The following RB1CC1 variants were observed in gnomAD, a reference collection of about 807,000 sequenced individuals.
RB1CC1 encodes the protein RB1 inducible coiled-coil 1.
A neutral mutation model predicts 177.5 loss-of-function variants in RB1CC1; 46 were observed. That is an observed-to-expected ratio of 0.26 (90% confidence interval 0.20 to 0.33). The LOEUF (loss-of-function observed/expected upper bound fraction) is 0.33, where lower values mean the gene tolerates loss of function less well. Ranked by LOEUF, RB1CC1 falls within the 10% of genes least tolerant of loss-of-function variation. The pLI, the probability that RB1CC1 is intolerant of heterozygous loss-of-function variation, is 1.00. For synonymous variants in RB1CC1, 666 were observed against 613.6 expected (o/e 1.09, Z -1.26); for missense variants, 1,703 against 1,816.3 (o/e 0.94, Z 1.13).
Position 52,642,806 on chromosome 8 carries a change from A to G in RB1CC1, c.3994T>C (p.Phe1332Leu). The G allele has an allele frequency of 1.3e-6, 2 of 1,550,304 alleles. No homozygotes were observed. The highest frequency in any genetic ancestry group is 1.7e-6 in the Non-Finnish European group (2 of 1,158,152). The change falls in exon 17 of 24, where the codon TTT (phenylalanine) becomes CTT (leucine). Residue 1332 changes from phenylalanine to leucine, a missense_variant. Coordinates refer to ENST00000025008, the MANE Select transcript of RB1CC1 (RefSeq NM_014781.5). ...TSLIAEQQTN[F>L]NTVLTREKMR... Reference sequence around the variant, plus strand: ...TTCTCTCTTGTTAAAACAGTGTTAAAATTGGTCTGGAACAAGAGAATAATT... The same window carrying G: ...TTCTCTCTTGTTAAAACAGTGTTAAGATTGGTCTGGAACAAGAGAATAATT...
At chr8:52,661,834 A>G (rs1851660090) in intron 8 of RB1CC1, 115 bp from the exon 9 acceptor site, 1 of 701,960 alleles carries the variant, frequency 1.4e-6, no homozygotes, top group Non-Finnish European at 2.1e-6. Flanking sequence ...CCTTCTAACA[A>G]TATTTTTAAA....
At chr8:52,628,580 A>G (rs559773458) in intron 21 of RB1CC1, among the ~76,000 whole-genome samples, 1 of 152,192 alleles carries the variant, frequency 6.6e-6, no homozygotes, top group Non-Finnish European at 1.5e-5. Context: ...CTTGTCTCCA[A>G]GCGTAGTGCT....
At position 52,660,544 on chromosome 8, in the gene RB1CC1, A is replaced by G. The variant is rs541584731; in HGVS notation, c.1689+52T>C. On this transcript the variant is annotated intron_variant, in intron 12 of 23. Coordinates refer to ENST00000025008, the MANE Select transcript of RB1CC1 (RefSeq NM_014781.5). ...TGATAAATGTCTCTACTTCTGGAAA[A>G]AAGGTTTTAAAACATATGGAATTTA... The G allele has an allele frequency of 2.8e-6, 4 of 1,451,474 alleles. No individual in the cohort carries two copies. In the East Asian group the frequency reaches 9.3e-5, roughly 34 times the overall value. The allele number at this position is 1,451,474 out of a possible 1,614,324, so 89.9% of individuals were successfully genotyped here.
At chr8:52,671,588 G>A (rs1436472961) in intron 7 of RB1CC1, among the ~76,000 whole-genome samples, 1 of 152,082 alleles carries the variant, frequency 6.6e-6, no homozygotes, top group Non-Finnish European at 1.5e-5. Flanking sequence ...AAACATCATG[G>A]TAAAGTGCCA....
chr8:52,686,155 G>A (rs995920852), intron 2 of RB1CC1: 1 of 152,206 alleles, frequency 6.6e-6, no homozygotes, highest in Non-Finnish European at 1.5e-5. Context: ...AAGTGTACAG[G>A]TCTGGAGATC....
intron 1 of RB1CC1, among the ~76,000 whole-genome samples, chr8:52,706,066 T>C (rs910147287): frequency 6.6e-6 from 1 of 152,140 alleles, no homozygotes; most frequent in Non-Finnish European, 1.5e-5. Context: ...TGGCTATCTC[T>C]GGATGCCAGA....
intron 16 of RB1CC1, among the ~76,000 whole-genome samples, chr8:52,643,696 C>CAAAAAA (rs34520917): frequency 2.5e-5 from 2 of 81,086 alleles, no homozygotes; most frequent in Non-Finnish European, 2.3e-5. Context: ...CTCTAAGAGG[C>CAAAAAA]AAAAAAAAAA....
chr8:52,663,777 T>C (rs1851828587), intron 8 of RB1CC1, among the ~76,000 whole-genome samples: 1 of 152,144 alleles, frequency 6.6e-6, no homozygotes, highest in Admixed American at 6.5e-5. Context: ...AATTGTGACA[T>C]TTCTCAAATT....
At chr8:52,645,046 T>C (rs1269640915) in intron 16 of RB1CC1, among the ~76,000 whole-genome samples, 4 of 152,194 alleles carry the variant, frequency 2.6e-5, no homozygotes, top group Non-Finnish European at 5.9e-5. Flanking sequence ...AATTAGTTGC[T>C]GTCCGGTACT....
intron 1 of RB1CC1, among the ~76,000 whole-genome samples, chr8:52,713,519 C>A (rs1857231014): frequency 6.6e-6 from 1 of 152,150 alleles, no homozygotes; most frequent in Non-Finnish European, 1.5e-5. Context: ...AACTTTATAC[C>A]GATCCTCGCA....
At chr8:52,707,862 T>G (rs1856718009) in intron 1 of RB1CC1, among the ~76,000 whole-genome samples, 1 of 152,166 alleles carries the variant, frequency 6.6e-6, no homozygotes, top group Admixed American at 6.5e-5. Flanking sequence ...AATGGCAGAC[T>G]TAGGAACAAA....
At chr8:52,702,589 G>A (rs191661960) in intron 1 of RB1CC1, among the ~76,000 whole-genome samples, 14 of 152,056 alleles carry the variant, frequency 9.2e-5, no homozygotes, top group South Asian at 4.1e-4. Flanking sequence ...GCTGGCTCTC[G>A]CCTGTAATCC....
intron 1 of RB1CC1, among the ~76,000 whole-genome samples, chr8:52,695,528 C>T (rs1371045342): frequency 6.6e-6 from 1 of 152,134 alleles, no homozygotes; most frequent in African/African-American, 2.4e-5. Flanking sequence ...AGAGGAACTA[C>T]TGACTAAAGA....
chr8:52,711,933 A>G (rs1468089368), intron 1 of RB1CC1, among the ~76,000 whole-genome samples: 1 of 152,198 alleles, frequency 6.6e-6, no homozygotes, highest in East Asian at 1.9e-4. Context: ...GCCTTTATTC[A>G]AAAGGCAATC....
intron 20 of RB1CC1, among the ~76,000 whole-genome samples, chr8:52,631,559 C>T (rs1848759049): frequency 6.6e-6 from 1 of 152,308 alleles, no homozygotes; most frequent in East Asian, 1.9e-4. Flanking sequence ...AATTTCTATA[C>T]ATCTCTGGAA....
chr8:52,645,994 C>T (rs1329714208), intron 15 of RB1CC1, 127 bp from the exon 16 acceptor site: 9 of 902,190 alleles, frequency 1.0e-5, no homozygotes, highest in Non-Finnish European at 1.5e-5. Flanking sequence ...TCTGTGTGAA[C>T]CCTCTCTTTG....
chr8:52,627,962 A>G lies in RB1CC1; in HGVS notation c.4636+70T>C, dbSNP rs544537634. ...TTAATTCTTATGTAATTAAACAGGG[A>G]AAAAAAAATCTTTACTTATATAATT... On this transcript the variant is annotated intron_variant, in intron 22 of 23. Coordinates refer to ENST00000025008, the MANE Select transcript of RB1CC1 (RefSeq NM_014781.5). 9.2e-5 allele frequency: 120 copies of G among 1,307,640 alleles called. 1 individual carries two copies. The highest frequency in any genetic ancestry group is 6.2e-4 in the African/African-American group (35 of 56,506). The allele number at this position is 1,307,640 out of a possible 1,614,324, so 81.0% of individuals were successfully genotyped here.
chr8:52,657,540 T>C lies in RB1CC1; in HGVS notation c.2289A>G (p.Ser763=). 1 of 1,614,054 alleles carries C rather than the reference T, an allele frequency of 6.2e-7. No individual in the cohort carries two copies. Among genetic ancestry groups the C allele is most frequent in the Non-Finnish European group, 8.5e-7 (1 of 1,180,012 alleles). The change falls in exon 15 of 24, where the codon TCA becomes TCG. Residue 763 remains serine, a synonymous_variant. Coordinates refer to ENST00000025008, the MANE Select transcript of RB1CC1 (RefSeq NM_014781.5). ...DPQSPEMMVE[S]LYSSVINAID... ...TCGCATTGATAACTGATGAATAAAG[T>C]GATTCCACCATCATTTCTGGGCTTT...
In RB1CC1 at chr8:52,623,727, A is replaced by T; in HGVS notation, c.*55T>A. 7.9e-7 allele frequency: 1 copy of T among 1,260,470 alleles called. No homozygotes were observed. The highest frequency in any genetic ancestry group is 1.2e-6 in the Non-Finnish European group (1 of 861,828). 78.1% of individuals were successfully genotyped at this position (1,260,470 alleles called of 1,614,324 possible). A position where few individuals can be genotyped will look rare whatever the true frequency, so the allele number is the denominator to read the frequency against. Reference sequence around the variant, plus strand: ...GCTGTTTTTGGAGTGATGAATGAGCACTGCAGGACAAATCAGAAAAAAATG... The same window carrying T: ...GCTGTTTTTGGAGTGATGAATGAGCTCTGCAGGACAAATCAGAAAAAAATG... On this transcript the variant is annotated 3_prime_UTR_variant, in exon 24 of 24. Coordinates refer to ENST00000025008, the MANE Select transcript of RB1CC1 (RefSeq NM_014781.5).
Sources: gnomAD v4.1 joint callset for allele counts (sites outside exome capture counted in the v4.1 genomes callset) on GRCh38, gnomAD v4.1.1 for gene constraint, MANE v1.5 for transcripts, NCBI Gene and HGNC (gene_info 2026-07-23, HGNC 2026-07-21) for gene names.